Variants in KDM7A observed in about 807,000 individuals in gnomAD.
KDM7A encodes the protein lysine demethylase 7A.
In KDM7A, 28 loss-of-function variants were observed where a neutral mutation model predicts 114.8. The ratio of observed to expected loss-of-function variants is 0.24; its 90% CI spans 0.18 to 0.33. KDM7A has a LOEUF of 0.33. KDM7A is among the 10% of genes least tolerant of loss of function. The probability of loss-of-function intolerance (pLI) is 1.00; values close to 1 mark genes in which losing one functional copy is unlikely to be tolerated. For synonymous variants in KDM7A, 423 were observed against 397.8 expected, an observed-to-expected ratio of 1.06 and a Z score of -0.75; for missense variants, 942 against 1,142.5, an observed-to-expected ratio of 0.82 and a Z score of 2.53.
chr7:140,128,807 C>T (rs1818745417), intron 4 of KDM7A, among the ~76,000 whole-genome samples: 2 of 152,210 alleles, frequency 1.3e-5, no homozygotes, highest in South Asian at 2.1e-4. Context: ...TCTCTATCTA[C>T]TGCTGACAAG....
At chr7:140,111,421 CT>C (rs1363918664) in intron 10 of KDM7A, among the ~76,000 whole-genome samples, 1 of 152,164 alleles carries the variant, frequency 6.6e-6, no homozygotes, top group Non-Finnish European at 1.5e-5. Context: ...GTGAATTTTG[CT>C]TTACATTGAG....
At chr7:140,171,096 A>C (rs1794633563) in intron 1 of KDM7A, among the ~76,000 whole-genome samples, 1 of 150,396 alleles carries the variant, frequency 6.6e-6, no homozygotes, top group Non-Finnish European at 1.5e-5. Flanking sequence ...CAACAACAAA[A>C]GACTTCAGTG....
chr7:140,122,288 C>A (rs1021972633), intron 7 of KDM7A, among the ~76,000 whole-genome samples: 1 of 151,880 alleles, frequency 6.6e-6, no homozygotes, highest in Non-Finnish European at 1.5e-5. Flanking sequence ...CTTTTTATTT[C>A]TTCTTTATAT....
intron 17 of KDM7A, 123 bp from the exon 18 acceptor site, chr7:140,094,261 T>C: frequency 1.4e-6 from 1 of 703,502 alleles, no homozygotes. Context: ...TCCCAACACT[T>C]TGGGAGGCCA....
intron 1 of KDM7A, among the ~76,000 whole-genome samples, chr7:140,161,283 A>C (rs1028211516): frequency 1.3e-5 from 2 of 152,242 alleles, no homozygotes; most frequent in Non-Finnish European, 2.9e-5. Flanking sequence ...GTCCTTGGAG[A>C]GGAACACTCC....
At position 140,124,702 on chromosome 7, in the gene KDM7A, T is replaced by C; in HGVS notation, c.970A>G (p.Ser324Gly). 2 of 1,613,434 alleles carry C rather than the reference T, an allele frequency of 1.2e-6. No homozygotes were observed. The highest frequency in any genetic ancestry group is 1.7e-6 in the Non-Finnish European group (2 of 1,179,470). Residue 324 changes from serine to glycine, a missense_variant, in exon 7 of 20, where the codon AGT becomes GGT. By Grantham distance (56) the Ser-to-Gly change is moderately conservative. Around this residue, in one of 4 missense-constraint regions of KDM7A, gnomAD observed 318 missense variants for 453.1 expected, o/e 0.70. Transcript: ENST00000397560. ...YESWSSSVTQSEVFFGDKVDK... is the reference protein window; with the variant it reads ...YESWSSSVTQGEVFFGDKVDK... The stretch of plus-strand genomic sequence containing the variant: ...ACCTTATCTCCAAAGAACACCTCAC[T>C]CTGGGTCACAGATGAACTCCAAGAT...
chr7:140,128,026 C>CAA (rs5887954), intron 4 of KDM7A, among the ~76,000 whole-genome samples: 4 of 150,458 alleles, frequency 2.7e-5, no homozygotes, highest in Non-Finnish European at 5.9e-5. Flanking sequence ...GCTATCATTT[C>CAA]AAAAAAAAAC....
At chr7:140,109,724 A>G (rs117467168) in intron 11 of KDM7A, among the ~76,000 whole-genome samples, 2,082 of 152,314 alleles carry the variant, frequency 0.014, 37 homozygotes, top group South Asian at 0.082. Context: ...TGAAGTCTTA[A>G]TCCTTACACA....
At chr7:140,092,139 T>C in intron 18 of KDM7A, 62 bp from the exon 19 acceptor site, 2 of 1,502,664 alleles carry the variant, frequency 1.3e-6, no homozygotes, top group Non-Finnish European at 1.8e-6. Flanking sequence ...ATTTAAGCTC[T>C]CTATGCATTG....
Position 140,164,670 on chromosome 7 carries a change from A to C in KDM7A, c.194+12074T>G, listed in dbSNP as rs1794554961. 2.0e-5 allele frequency among the ~76,000 whole-genome samples: 3 copies of C among 152,236 alleles called. No homozygotes were observed. In the South Asian group the frequency reaches 6.2e-4, roughly 32 times the overall value. On this transcript the variant is annotated intron_variant, in intron 1 of 19. Transcript: ENST00000397560. Reference sequence around the variant, plus strand: ...ATATTAATGTTATTAAGAAACTGTTAACTATTTTTAATTATAATAAAGGTA... The same window carrying C: ...ATATTAATGTTATTAAGAAACTGTTCACTATTTTTAATTATAATAAAGGTA...
chr7:140,141,566 C>A (rs1444628805), intron 1 of KDM7A, among the ~76,000 whole-genome samples: 1 of 152,036 alleles, frequency 6.6e-6, no homozygotes, highest in Non-Finnish European at 1.5e-5. Flanking sequence ...GCCTCTATAT[C>A]AATATCTTAT....
At chr7:140,105,792 T>C (rs988948573) in intron 11 of KDM7A, among the ~76,000 whole-genome samples, 2 of 152,254 alleles carry the variant, frequency 1.3e-5, no homozygotes, top group African/African-American at 4.8e-5. Flanking sequence ...ATCAGGATGA[T>C]GCTGGTCTTG....
chr7:140,111,416 T>C (rs969759880), intron 10 of KDM7A, among the ~76,000 whole-genome samples: 11 of 152,192 alleles, frequency 7.2e-5, no homozygotes, highest in African/African-American at 2.2e-4. Flanking sequence ...TCACAGTGAA[T>C]TTTGCTTTAC....
At chr7:140,173,321 G>C (rs1290051343) in intron 1 of KDM7A, among the ~76,000 whole-genome samples, 2 of 152,114 alleles carry the variant, frequency 1.3e-5, no homozygotes, top group Non-Finnish European at 2.9e-5. Flanking sequence ...AAAAGGCTTA[G>C]GGAGATGGAC....
At chr7:140,114,313 G>GCGC (rs1554397030) in intron 9 of KDM7A, among the ~76,000 whole-genome samples, 4 of 152,092 alleles carry the variant, frequency 2.6e-5, no homozygotes, top group Non-Finnish European at 1.5e-5. Flanking sequence ...GATTGCAGGC[G>GCGC]CGCGCCACCA....
Position 140,096,559 on chromosome 7 carries a change from T to G in KDM7A, c.2370A>C (p.Glu790Asp). The G allele has an allele frequency of 6.2e-7, 1 of 1,612,380 alleles. No individual in the cohort carries two copies. Among genetic ancestry groups the G allele is most frequent in the Non-Finnish European group, 8.5e-7 (1 of 1,178,338 alleles). Residue 790 changes from glutamate (E) to aspartate (D), a missense_variant, in exon 17 of 20, where the codon GAA becomes GAC. Physicochemically the swap from Glu to Asp is conservative, Grantham distance 45. Transcript: ENST00000397560. ...RQLYRYDKPV[E>D]CGYHVKTEDP... Reference sequence around the variant, plus strand: ...CTGATAATTTATGTTTCTTACCACATTCCACTGGTTTATCATAGCGATACA... The same window carrying G: ...CTGATAATTTATGTTTCTTACCACAGTCCACTGGTTTATCATAGCGATACA...
intron 1 of KDM7A, among the ~76,000 whole-genome samples, chr7:140,172,428 T>C (rs1411472518): frequency 7.3e-5 from 11 of 151,524 alleles, no homozygotes; most frequent in Non-Finnish European, 1.0e-4. Flanking sequence ...CTGAGGAGGG[T>C]GGATCACGAG....
chr7:140,134,880 C>G (rs6464553), intron 2 of KDM7A, among the ~76,000 whole-genome samples: 2 of 151,596 alleles, frequency 1.3e-5, no homozygotes, highest in African/African-American at 4.9e-5. Context: ...ACAAAGATCA[C>G]AGTAATACAA....
Position 140,111,105 on chromosome 7 carries a change from C to T in KDM7A, c.1418G>A (p.Arg473Gln), listed in dbSNP as rs781758568. ...AGTTTCCACTCTTACCTCTATTGCTCGAATTACTTTAGAAAGTTCTTTAAT... is the reference window on the plus strand; with the variant it reads ...AGTTTCCACTCTTACCTCTATTGCTTGAATTACTTTAGAAAGTTCTTTAAT... Reference protein sequence around the residue: ...HLIKELSKVIRAIEEENGKPV... With the variant: ...HLIKELSKVIQAIEEENGKPV... Residue 473 changes from arginine (R) to glutamine (Q), a missense_variant, in exon 11 of 20, where the codon CGA (arginine) becomes CAA (glutamine). Arg to Gln is a conservative substitution (Grantham distance 43). This residue lies in a region of KDM7A where 512 missense variants were observed against 576.6 expected (regional missense o/e 0.89). Coordinates refer to ENST00000397560, the MANE Select transcript of KDM7A (RefSeq NM_030647.2). 11 of 1,584,126 alleles carry T rather than the reference C, an allele frequency of 6.9e-6. No homozygotes were observed. Among genetic ancestry groups the T allele is most frequent in the Admixed American group, 6.7e-5 (4 of 59,512 alleles).
Sources: allele counts gnomAD v4.1 joint callset (sites outside exome capture counted in the v4.1 genomes callset), GRCh38; gene constraint gnomAD v4.1.1; regional missense constraint gnomAD v4.1.1; transcripts MANE v1.5; gene names NCBI Gene and HGNC (gene_info 2026-07-23, HGNC 2026-07-21).